The following ARHGAP35 variants were observed in gnomAD, a reference collection of about 807,000 sequenced individuals.
ARHGAP35 encodes Rho GTPase activating protein 35.
Under a neutral mutation model 111.1 loss-of-function variants are expected in ARHGAP35, and 15 were observed. That is an observed-to-expected ratio of 0.13 (90% confidence interval 0.09 to 0.21). ARHGAP35 has a LOEUF of 0.21. Ranked by LOEUF, ARHGAP35 falls within the 10% of genes least tolerant of loss-of-function variation. ARHGAP35 has a pLI of 1.00. For missense variants in ARHGAP35, 1,262 were observed against 1,873.0 expected (o/e 0.67, Z 6.02); for synonymous variants, 643 against 710.3 (o/e 0.91, Z 1.51).
At chr19:46,943,102 G>A (rs746553281) in intron 3 of ARHGAP35, among the ~76,000 whole-genome samples, 10 of 151,592 alleles carry the variant, frequency 6.6e-5, no homozygotes, top group African/African-American at 1.2e-4. Context: ...GTACAATGGT[G>A]CAGTCGTAGC....
At chr19:46,888,587 T>C (rs181186745) in intron 1 of ARHGAP35, among the ~76,000 whole-genome samples, 41 of 151,444 alleles carry the variant, frequency 2.7e-4, no homozygotes, top group African/African-American at 9.9e-4. Flanking sequence ...GGGTCCAATT[T>C]AGGAAAATGT....
At position 46,957,999 on chromosome 19, in the gene ARHGAP35, G is replaced by A. The variant is rs187815098; in HGVS notation, c.3826+20591G>A. On this transcript the variant is annotated intron_variant, in intron 3 of 6. Transcript: ENST00000672722. ...GCTCACTGCAGCCTGAAACACCTGG[G>A]TTTAAGCGATCCTCCTGCCTCAGCC... 2.6e-3 allele frequency among the ~76,000 whole-genome samples: 392 copies of A among 152,234 alleles called. 2 individuals carry two copies. The highest frequency in any genetic ancestry group is 8.2e-3 in the African/African-American group (340 of 41,566).
intron 3 of ARHGAP35, among the ~76,000 whole-genome samples, chr19:46,976,204 T>C (rs1052595149): frequency 6.9e-6 from 1 of 144,736 alleles, no homozygotes; most frequent in Non-Finnish European, 1.5e-5. Context: ...AAAACAAAGC[T>C]TTCTCCTTTT....
chr19:46,952,024 T>C (rs2122248151), intron 3 of ARHGAP35, among the ~76,000 whole-genome samples: 2 of 152,298 alleles, frequency 1.3e-5, no homozygotes, highest in South Asian at 4.1e-4. Flanking sequence ...AGGATGACTA[T>C]AGTTAACAGT....
Position 46,922,125 on chromosome 19 carries a change from C to T in ARHGAP35, c.3450C>T (p.Ser1150=). ...TSSLERGRKV[S]IVSKPVLYRT... is the part of the protein sequence containing the mutation. Reference sequence around the variant, plus strand: ...CTCTAGAGCGAGGGCGCAAGGTTTCCATCGTGAGCAAGCCAGTGCTGTACA... The same window carrying T: ...CTCTAGAGCGAGGGCGCAAGGTTTCTATCGTGAGCAAGCCAGTGCTGTACA... Residue 1150 remains serine, a synonymous_variant, in exon 2 of 7, where the codon TCC becomes TCT. Transcript: ENST00000672722. The surrounding 1 kb of genome is among the most constrained non-coding windows in gnomAD (Gnocchi z 4.0). 1 of 1,614,000 alleles carries T rather than the reference C, an allele frequency of 6.2e-7. No homozygotes were observed. The highest frequency in any genetic ancestry group is 8.5e-7 in the Non-Finnish European group (1 of 1,179,900).
rs1489090021 is a variant in ARHGAP35 at position 47,004,877 on chromosome 19, G to T, written c.*4189G>T. On this transcript the variant is annotated 3_prime_UTR_variant, in exon 7 of 7. Coordinates refer to ENST00000672722, the MANE Select transcript of ARHGAP35 (RefSeq NM_004491.5). ...AAAAACACATCGTGGGTTTTTTGAG[G>T]CTCCAACCTGATTAGTGCATGGTCA... 1 of 152,066 alleles carries T rather than the reference G, an allele frequency of 6.6e-6. No individual in the cohort carries two copies. The highest frequency in any genetic ancestry group is 1.5e-5 in the Non-Finnish European group (1 of 68,020). 9.4% of individuals were successfully genotyped at this position (152,066 alleles called of 1,614,324 possible). A position where few individuals can be genotyped will look rare whatever the true frequency, so the allele number is the denominator to read the frequency against.
At chr19:46,899,105 C>A (rs577675459) in intron 1 of ARHGAP35, among the ~76,000 whole-genome samples, 1 of 152,092 alleles carries the variant, frequency 6.6e-6, no homozygotes, top group Non-Finnish European at 1.5e-5. Flanking sequence ...TGTAGAAGGG[C>A]GCGTTTGACC....
intron 2 of ARHGAP35, among the ~76,000 whole-genome samples, chr19:46,930,127 G>A (rs1243351324): frequency 6.6e-6 from 1 of 152,020 alleles, no homozygotes; most frequent in East Asian, 1.9e-4. Context: ...AATGCTTTGG[G>A]AGGCCGAGTT....
At chr19:46,866,389 T>G (rs2055857245) in intron 1 of ARHGAP35, among the ~76,000 whole-genome samples, 1 of 152,214 alleles carries the variant, frequency 6.6e-6, no homozygotes, top group Admixed American at 6.5e-5. Context: ...CATAGGGCAT[T>G]GTGACAGGCT....
At chr19:46,972,042 C>T (rs2056552921) in intron 3 of ARHGAP35, among the ~76,000 whole-genome samples, 1 of 152,222 alleles carries the variant, frequency 6.6e-6, no homozygotes, top group South Asian at 2.1e-4. Flanking sequence ...TGGAGTCTCG[C>T]TCTGTCACCC....
Position 46,999,516 on chromosome 19 carries a change from C to T in ARHGAP35, c.4142+107C>T. On this transcript the variant is annotated intron_variant, in intron 6 of 6. Transcript: ENST00000672722. The surrounding 1 kb of genome is among the most constrained non-coding windows in gnomAD (Gnocchi z 5.4). Reference sequence around the variant, plus strand: ...CCACAAGCCAGTAGAAGCCTCAGGCCCTGGCCTGGAAGGGGTGCTGGCTGG... The same window carrying T: ...CCACAAGCCAGTAGAAGCCTCAGGCTCTGGCCTGGAAGGGGTGCTGGCTGG... The T allele has an allele frequency of 1.3e-6, 1 of 783,050 alleles. No homozygotes were observed. The highest frequency in any genetic ancestry group is 1.8e-5 in the South Asian group (1 of 56,202). 48.5% of individuals were successfully genotyped at this position (783,050 alleles called of 1,614,324 possible). A position where few individuals can be genotyped will look rare whatever the true frequency, so the allele number is the denominator to read the frequency against.
intron 3 of ARHGAP35, among the ~76,000 whole-genome samples, chr19:46,975,453 G>A (rs940503547): frequency 2.0e-5 from 3 of 152,062 alleles, no homozygotes; most frequent in Non-Finnish European, 2.9e-5. Context: ...CCAGTGTGCC[G>A]CGGCAGCACA....
chr19:46,861,102 C>CGCCGCCTCA lies in ARHGAP35; in HGVS notation c.-289_-281dup, dbSNP rs1181564681. On this transcript the variant is annotated 5_prime_UTR_variant, in exon 1 of 7. Coordinates refer to ENST00000672722, the MANE Select transcript of ARHGAP35 (RefSeq NM_004491.5). Reference sequence around the variant, plus strand: ...GGCCCCCCGCCGCCGGAGCCGCCGCCGCCGCCTCAGCCGCCGCTGGACTAG... The same window carrying CGCCGCCTCA: ...GGCCCCCCGCCGCCGGAGCCGCCGCCGCCGCCTCAGCCGCCTCAGCCGCCGCTGGACTAG... Among the ~76,000 whole-genome samples, 3 of 151,508 alleles carry CGCCGCCTCA rather than the reference C, an allele frequency of 2.0e-5. No homozygotes were observed. The highest frequency in any genetic ancestry group is 4.8e-5 in the African/African-American group (2 of 41,442).
At chr19:46,941,138 A>G (rs982330052) in intron 3 of ARHGAP35, among the ~76,000 whole-genome samples, 1 of 152,138 alleles carries the variant, frequency 6.6e-6, no homozygotes, top group Non-Finnish European at 1.5e-5. Flanking sequence ...TTGTTCTACA[A>G]GAATGCGATT....
intron 3 of ARHGAP35, among the ~76,000 whole-genome samples, chr19:46,971,783 C>G (rs2056551318): frequency 6.6e-6 from 1 of 151,990 alleles, no homozygotes; most frequent in African/African-American, 2.4e-5. Flanking sequence ...CAGGTGTGAG[C>G]CACCGCACCT....
intron 3 of ARHGAP35, among the ~76,000 whole-genome samples, chr19:46,964,119 C>G (rs1404060185): frequency 1.3e-5 from 2 of 152,096 alleles, no homozygotes; most frequent in Admixed American, 6.6e-5. Flanking sequence ...CCACCCGCCT[C>G]AGCCTCCTGA....
chr19:46,918,619 C>T lies in ARHGAP35; in HGVS notation c.-57C>T, dbSNP rs748083469. On this transcript the variant is annotated 5_prime_UTR_variant, in exon 2 of 7. Transcript: ENST00000672722. This position sits in a 1 kb window ranked among gnomAD's most constrained non-coding sequence, Gnocchi z 5.4. ...TAATAATGTAGGAAGCTGTCTGGTC[C>T]ATTGGAAACACTAATCTGATCTCAG... 8 of 1,533,778 alleles carry T rather than the reference C, an allele frequency of 5.2e-6. No individual in the cohort carries two copies. Among genetic ancestry groups the T allele is most frequent in the Non-Finnish European group, 7.1e-6 (8 of 1,126,014 alleles).
At chr19:46,936,845 C>CTTTT (rs570390790) in intron 2 of ARHGAP35, among the ~76,000 whole-genome samples, 5 of 128,470 alleles carry the variant, frequency 3.9e-5, no homozygotes, top group African/African-American at 8.7e-5. Context: ...TTCTTGAAAT[C>CTTTT]TTTTTTTTTT....
At chr19:46,870,437 G>T (rs1022932559) in intron 1 of ARHGAP35, among the ~76,000 whole-genome samples, 109 of 151,912 alleles carry the variant, frequency 7.2e-4, no homozygotes, top group Admixed American at 1.5e-3. Context: ...AAATTAGCCG[G>T]GTGTGGTGGC....
Sources: gnomAD v4.1 joint callset for allele counts (sites outside exome capture counted in the v4.1 genomes callset) on GRCh38, gnomAD v4.1.1 for gene constraint, Gnocchi (gnomAD v3.1) non-coding constraint, MANE v1.5 for transcripts, NCBI Gene and HGNC (gene_info 2026-07-23, HGNC 2026-07-21) for gene names.